Variants in DPH1 observed in about 807,000 individuals in gnomAD.
The protein encoded by DPH1 is diphthamide biosynthesis 1.
DPH1 carries 59 observed loss-of-function variants against 55.3 expected under a neutral mutation model. The ratio of observed to expected loss-of-function variants is 1.07; its 90% CI spans 0.87 to 1.33. The LOEUF (loss-of-function observed/expected upper bound fraction) is 1.33, where lower values mean the gene tolerates loss of function less well. DPH1 is among the 40% of genes most tolerant of loss of function. The probability of loss-of-function intolerance (pLI) is 0.00; values close to 1 mark genes in which losing one functional copy is unlikely to be tolerated. For synonymous variants in DPH1, 238 were observed against 235.5 expected (o/e 1.01, Z -0.10); for missense variants, 628 against 584.8 (o/e 1.07, Z -0.76).
At chr17:2,033,872 G>A in intron 3 of DPH1, 30 bp downstream of exon 3, 1 of 1,612,906 alleles carries the variant, frequency 6.2e-7, no homozygotes, top group Non-Finnish European at 8.5e-7. Flanking sequence ...AGAGGAGGGT[G>A]AGCCAGGCTT....
chr17:2,038,589 A>G (rs978784114), intron 6 of DPH1, among the ~76,000 whole-genome samples: 1 of 152,156 alleles, frequency 6.6e-6, no homozygotes, highest in Non-Finnish European at 1.5e-5. Flanking sequence ...CCCTATCGTG[A>G]CCTGTACATG....
At chr17:2,035,838 A>G in intron 3 of DPH1, 132 bp from the exon 4 acceptor site, 1 of 1,378,904 alleles carries the variant, frequency 7.3e-7, no homozygotes, top group Non-Finnish European at 9.8e-7. Flanking sequence ...CAGAAGTGGC[A>G]GCTGCCATCC....
rs760558224 is a variant in DPH1 at position 2,041,836 on chromosome 17, G to A, written c.1296G>A (p.Lys432=). The A allele has an allele frequency of 2.7e-5, 43 of 1,602,704 alleles. No individual in the cohort carries two copies. The highest frequency in any genetic ancestry group is 3.4e-5 in the Non-Finnish European group (40 of 1,176,170). The change falls in exon 12 of 13, where the codon AAG becomes AAA. Residue 432 remains lysine (K), a synonymous_variant. Transcript: ENST00000263083. ...ACEDCSCRDE[K]VAPLAP Reference sequence around the variant, plus strand: ...AGGACTGCAGCTGCAGGGACGAGAAGGTGGCGCCGCTGGCTCCTTGACGCG... The same window carrying A: ...AGGACTGCAGCTGCAGGGACGAGAAAGTGGCGCCGCTGGCTCCTTGACGCG...
chr17:2,033,257 C>T (rs931496003), intron 1 of DPH1: 4 of 583,828 alleles, frequency 6.9e-6, no homozygotes, highest in Non-Finnish European at 1.2e-5. Context: ...TATAGGGAAC[C>T]AGGCATCTCG....
chr17:2,041,669 G>A (rs1267804949), intron 11 of DPH1, 48 bp downstream of exon 11: 1 of 1,582,360 alleles, frequency 6.3e-7, no homozygotes, highest in Non-Finnish European at 8.6e-7. Context: ...CTGGGCACTG[G>A]CCGCCGCCCT....
chr17:2,041,644 G>A (rs1235265098), intron 11 of DPH1, 23 bp downstream of exon 11: 31 of 1,597,516 alleles, frequency 1.9e-5, no homozygotes, highest in African/African-American at 4.0e-5. Context: ...TTCCAGGAGG[G>A]AGGAGAGACC....
chr17:2,038,324 A>G (rs2067457867), intron 6 of DPH1, among the ~76,000 whole-genome samples: 1 of 152,054 alleles, frequency 6.6e-6, no homozygotes, highest in South Asian at 2.1e-4. Flanking sequence ...GCCTCAAAAA[A>G]ACAAAATGAA....
chr17:2,043,322 C>T lies in DPH1; in HGVS notation c.*736C>T. On this transcript the variant is annotated 3_prime_UTR_variant, in exon 13 of 13. Coordinates refer to ENST00000263083, the MANE Select transcript of DPH1 (RefSeq NM_001383.6). Reference sequence around the variant, plus strand: ...CTTAATGGACATTGACTTGTGAAAACGCAAACATGAATATGGTTGGAGAGC... The same window carrying T: ...CTTAATGGACATTGACTTGTGAAAATGCAAACATGAATATGGTTGGAGAGC... 2 of 571,196 alleles carry T rather than the reference C, an allele frequency of 3.5e-6. No homozygotes were observed. Among genetic ancestry groups the T allele is most frequent in the Non-Finnish European group, 6.0e-6 (2 of 335,248 alleles). 35.4% of individuals were successfully genotyped at this position (571,196 alleles called of 1,614,324 possible). A position where few individuals can be genotyped will look rare whatever the true frequency, so the allele number is the denominator to read the frequency against.
Position 2,036,039 on chromosome 17 carries a change from A to G in DPH1, c.348A>G (p.Thr116=), listed in dbSNP as rs774494541. The part of the protein sequence containing the change: ...TYGACCVDDF[T]ARALGADFLV... ...GGGCTTGCTGTGTGGATGACTTCAC[A>G]GCGAGGGCCCTGGGAGCTGACTTCT... The change falls in exon 4 of 13, where the codon ACA becomes ACG. Residue 116 remains threonine, a synonymous_variant. Transcript: ENST00000263083. This position sits in a 1 kb window ranked among gnomAD's most constrained non-coding sequence, Gnocchi z 4.8. 7.4e-6 allele frequency: 12 copies of G among 1,613,874 alleles called. No homozygotes were observed. The highest frequency in any genetic ancestry group is 1.0e-5 in the Non-Finnish European group (12 of 1,179,930).
Position 2,042,596 on chromosome 17 carries a change from T to TCG in DPH1, c.*19-7_*19-6dup, listed in dbSNP as rs1188374347. ...CCTAATCCCATCCTTTTTCCTCATATCGCTGTAGGGTCCTGCCCTCCGGAG... is the reference window on the plus strand; with the variant it reads ...CCTAATCCCATCCTTTTTCCTCATATCGCGCTGTAGGGTCCTGCCCTCCGGAG... On this transcript the variant is annotated splice_polypyrimidine_tract_variant and intron_variant, in intron 12 of 12. Transcript: ENST00000263083. 1 of 1,510,392 alleles carries TCG rather than the reference T, an allele frequency of 6.6e-7. No individual in the cohort carries two copies. The highest frequency in any genetic ancestry group is 1.4e-5 in the African/African-American group (1 of 71,532). 93.6% of individuals were successfully genotyped at this position (1,510,392 alleles called of 1,614,324 possible). A position where few individuals can be genotyped will look rare whatever the true frequency, so the allele number is the denominator to read the frequency against.
rs2067426467 is a variant in DPH1 at position 2,036,448 on chromosome 17, G to A, written c.401-81G>A. 1.3e-6 allele frequency: 2 copies of A among 1,557,812 alleles called. No individual in the cohort carries two copies. Among genetic ancestry groups the A allele is most frequent in the South Asian group, 1.2e-5 (1 of 84,824 alleles). On this transcript the variant is annotated intron_variant, in intron 4 of 12. Transcript: ENST00000263083. This position sits in a 1 kb window ranked among gnomAD's most constrained non-coding sequence, Gnocchi z 4.8. The stretch of plus-strand genomic sequence containing the variant: ...CCCCAGGCTGAAGCCACTGCGCCTG[G>A]CTGCTCAGAGACCTGAGCCTGGCCG...
rs2067587189 is a variant in DPH1 at position 2,043,834 on chromosome 17, T to C, written c.*1248T>C. Among the ~76,000 whole-genome samples the C allele has an allele frequency of 6.6e-6, 1 of 152,194 alleles. No individual in the cohort carries two copies. Among genetic ancestry groups the C allele is most frequent in the Non-Finnish European group, 1.5e-5 (1 of 68,036 alleles). ...ACTATGAGCCTGAAGGGTGGGTCGA[T>C]GCCAGACCTTAGGTGGAGGCCAAAG... is the stretch of plus-strand genomic sequence containing the variant. On this transcript the variant is annotated 3_prime_UTR_variant, in exon 13 of 13. Coordinates refer to ENST00000263083, the MANE Select transcript of DPH1 (RefSeq NM_001383.6).
Position 2,041,870 on chromosome 17 carries a change from C to A in DPH1, c.*13C>A, listed in dbSNP as rs749001847. 1 of 1,580,680 alleles carries A rather than the reference C, an allele frequency of 6.3e-7. No individual in the cohort carries two copies. The highest frequency in any genetic ancestry group is 1.8e-5 in the Admixed American group (1 of 55,836). ...GCTGGCTCCTTGACGCGCTCCCGGG[C>A]CTCAGGTATCAGCCCCCGCTCTGGG... On this transcript the variant is annotated 3_prime_UTR_variant, in exon 12 of 13. Coordinates refer to ENST00000263083, the MANE Select transcript of DPH1 (RefSeq NM_001383.6).
chr17:2,037,591 C>T (rs973819136), intron 6 of DPH1, among the ~76,000 whole-genome samples: 3 of 152,224 alleles, frequency 2.0e-5, no homozygotes, highest in African/African-American at 7.2e-5. Flanking sequence ...CACTGAGTGG[C>T]ATTCCCCCTG....
intron 6 of DPH1, among the ~76,000 whole-genome samples, chr17:2,038,197 T>C (rs909340828): frequency 1.3e-5 from 2 of 148,394 alleles, no homozygotes; most frequent in East Asian, 4.2e-4. Context: ...ACAGTGTCCA[T>C]GCCTGTAGTC....
At chr17:2,035,211 G>A (rs1340649620) in intron 3 of DPH1, among the ~76,000 whole-genome samples, 1 of 151,966 alleles carries the variant, frequency 6.6e-6, no homozygotes, top group Non-Finnish European at 1.5e-5. Context: ...CCATTCCTAG[G>A]GTGAGTTCAG....
intron 7 of DPH1, 71 bp downstream of exon 7, chr17:2,039,894 T>G: frequency 6.2e-7 from 1 of 1,601,750 alleles, no homozygotes; most frequent in Non-Finnish European, 8.6e-7. Context: ...GGTCCTCAAT[T>G]GGTTGCATCC....
Position 2,043,164 on chromosome 17 carries a change from C to T in DPH1, c.*578C>T. ...TCCTCTAGGGGCAGCCTCCGTCATCCATGCCCTCCCAGGACCCTCCACTCA... is the reference window on the plus strand; with the variant it reads ...TCCTCTAGGGGCAGCCTCCGTCATCTATGCCCTCCCAGGACCCTCCACTCA... On this transcript the variant is annotated 3_prime_UTR_variant, in exon 13 of 13. Transcript: ENST00000263083. 1 of 1,555,348 alleles carries T rather than the reference C, an allele frequency of 6.4e-7. No homozygotes were observed. The highest frequency in any genetic ancestry group is 8.7e-7 in the Non-Finnish European group (1 of 1,146,818).
intron 9 of DPH1, chr17:2,040,835 TG>T (rs2067507318): frequency 1.6e-6 from 1 of 627,992 alleles, no homozygotes; most frequent in Non-Finnish European, 2.8e-6. Context: ...GAGCGGTGGC[TG>T]ACACCTGCCC....
Sources: gnomAD v4.1 joint callset for allele counts (sites outside exome capture counted in the v4.1 genomes callset) on GRCh38, gnomAD v4.1.1 for gene constraint, Gnocchi (gnomAD v3.1) non-coding constraint, MANE v1.5 for transcripts, NCBI Gene and HGNC (gene_info 2026-07-23, HGNC 2026-07-21) for gene names.